Variants in GTPBP3 observed in about 807,000 individuals in gnomAD.
GTPBP3 encodes 5-taurinomethyluridine-[tRNA] synthase subunit GTPB3, mitochondrial.
In GTPBP3, 35 loss-of-function variants were observed where a neutral mutation model predicts 42.0. The ratio of observed to expected loss-of-function variants is 0.83; its 90% confidence interval spans 0.64 to 1.10. The LOEUF (loss-of-function observed/expected upper bound fraction) is 1.10. Ranked by LOEUF, GTPBP3 falls within the 50% of genes least tolerant of loss-of-function variation. The pLI, the probability that GTPBP3 is intolerant of heterozygous loss-of-function variation, is 0.00. For synonymous variants in GTPBP3, 332 were observed against 314.9 expected, an observed-to-expected ratio of 1.05 and a Z score of -0.58; for missense variants, 691 against 685.2, an observed-to-expected ratio of 1.01 and a Z score of -0.09.
Position 17,338,557 on chromosome 19 carries a change from G to A in GTPBP3, c.407G>A (p.Arg136Gln), listed in dbSNP as rs376384130. 23 of 1,613,718 alleles carry A rather than the reference G, an allele frequency of 1.4e-5. No individual in the cohort carries two copies. The highest frequency in any genetic ancestry group is 1.9e-5 in the Non-Finnish European group (23 of 1,179,852). Residue 136 changes from arginine (R) to glutamine (Q), a missense_variant, in exon 4 of 9, where the codon CGA becomes CAA. Transcript: ENST00000324894. ...LQALGSVPGL[R>Q]PAEAGEFTRR... ...CCTGCAGGCAGCGTGCCAGGGCTTC[G>A]ACCGGCGGAGGCAGGCGAGTTCACC...
chr19:17,337,724 TC>T, intron 1 of GTPBP3, 60 bp downstream of exon 1: 1 of 1,404,970 alleles, frequency 7.1e-7, no homozygotes, highest in Non-Finnish European at 9.3e-7. Context: ...CCAGACCCAC[TC>T]CCTGGGTTTT....
chr19:17,335,011 A>G, upstream of GTPBP3: 1 of 1,535,912 alleles, frequency 6.5e-7, no homozygotes, highest in Non-Finnish European at 8.7e-7. Context: ...CTGATGGTGC[A>G]TTCTCCAACT....
intron 7 of GTPBP3, 120 bp downstream of exon 7, chr19:17,339,719 G>T: frequency 2.2e-6 from 2 of 907,894 alleles, no homozygotes; most frequent in Non-Finnish European, 3.2e-6. Flanking sequence ...TATCAAGCAT[G>T]GATCTCAGGG....
chr19:17,341,335 C>T lies in GTPBP3; in HGVS notation c.1253+13C>T. 1.3e-6 allele frequency: 2 copies of T among 1,576,446 alleles called. No individual in the cohort carries two copies. Among genetic ancestry groups the T allele is most frequent in the Non-Finnish European group, 1.7e-6 (2 of 1,162,634 alleles). ...AGCTAGCTGCAGTGTGAGCCCCCTC[C>T]CACTCCCAGCCTCCCCTGACCCACA... is the stretch of plus-strand genomic sequence containing the variant. On this transcript the variant is annotated intron_variant, in intron 8 of 8. Transcript: ENST00000324894.
At position 17,341,227 on chromosome 19, in the gene GTPBP3, C is replaced by T. The variant is rs751938919; in HGVS notation, c.1158C>T (p.Pro386=). The T allele has an allele frequency of 4.4e-6, 7 of 1,607,994 alleles. No individual in the cohort carries two copies. Among genetic ancestry groups the T allele is most frequent in the Admixed American group, 1.7e-5 (1 of 59,980 alleles). Residue 386 remains proline, a synonymous_variant, in exon 8 of 9, where the codon CCC becomes CCT. Transcript: ENST00000324894. ...SDLLSPEGPG[P]GPDLPPHLLL... ...TGCTGTCCCCGGAGGGCCCAGGTCC[C>T]GGTCCTGACCTGCCCCCGCACCTGC...
Position 17,341,917 on chromosome 19 carries a change from C to T in GTPBP3, c.*214C>T. The T allele has an allele frequency of 1.6e-5, 7 of 448,142 alleles. No individual in the cohort carries two copies. Among genetic ancestry groups the T allele is most frequent in the Non-Finnish European group, 2.7e-5 (7 of 256,138 alleles). The allele number at this position is 448,142 out of a possible 1,614,324, so 27.8% of individuals were successfully genotyped here. A position where few individuals can be genotyped will look rare whatever the true frequency, so the allele number is the denominator to read the frequency against. On this transcript the variant is annotated 3_prime_UTR_variant, in exon 9 of 9. Coordinates refer to ENST00000324894, the MANE Select transcript of GTPBP3 (RefSeq NM_032620.4). ...GGGCTGAATGGAGGTCCCGTTCGAC[C>T]CTTGATGCTGGGGCATCCGGGTTGG...
upstream of GTPBP3, chr19:17,337,521 T>C (rs999981923): frequency 8.5e-6 from 11 of 1,289,206 alleles, no homozygotes; most frequent in Non-Finnish European, 1.1e-5. Context: ...TTGAGCACTT[T>C]ACTAGTCAAG....
At chr19:17,337,744 A>G (rs2145699151) in intron 1 of GTPBP3, 80 bp downstream of exon 1, 1 of 1,387,764 alleles carries the variant, frequency 7.2e-7, no homozygotes, top group East Asian at 2.7e-5. Flanking sequence ...TTAGGGGCCC[A>G]ATTCCCTGCG....
chr19:17,339,392 C>G (rs1161293199), intron 6 of GTPBP3, 42 bp from the exon 7 acceptor site: 1 of 1,605,634 alleles, frequency 6.2e-7, no homozygotes, highest in African/African-American at 1.3e-5. Flanking sequence ...GGGAGGAGCT[C>G]CCTTGTCTCC....
At chr19:17,335,813 CGCTTGTTACAGATGTAACAACTA>C (rs71180398), upstream of GTPBP3, among the ~76,000 whole-genome samples, 8 of 149,644 alleles carry the variant, frequency 5.3e-5, no homozygotes, top group East Asian at 5.8e-4. Flanking sequence ...GCTTGCTGTA[CGCTTGTTACAGATGTAACAACTA>C]GCTTGTTACA....
At position 17,341,750 on chromosome 19, in the gene GTPBP3, C is replaced by T; in HGVS notation, c.*47C>T. On this transcript the variant is annotated 3_prime_UTR_variant, in exon 9 of 9. Transcript: ENST00000324894. ...CCAAGCTGCGTGGAGACCCAGGAGC[C>T]TCGGGGGATCTGGAAACAGTTTAGG... is the stretch of plus-strand genomic sequence containing the variant. 6.8e-7 allele frequency: 1 copy of T among 1,475,550 alleles called. No homozygotes were observed. Among genetic ancestry groups the T allele is most frequent in the Non-Finnish European group, 9.1e-7 (1 of 1,094,760 alleles). 91.4% of individuals were successfully genotyped at this position (1,475,550 alleles called of 1,614,324 possible).
At position 17,338,610 on chromosome 19, in the gene GTPBP3, A is replaced by G; in HGVS notation, c.460A>G (p.Asn154Asp). ...ACGGGCGTTCGCCAATGGGAAGCTG[A>G]ACCTGACCGAAGTGGAGGGGCTGGC... is the stretch of plus-strand genomic sequence containing the variant. ...TRRAFANGKL[N>D]LTEVEGLADL... Residue 154 changes from asparagine to aspartate, a missense_variant, in exon 4 of 9, where the codon AAC (asparagine) becomes GAC (aspartate). By Grantham distance (23) the Asn-to-Asp change is conservative. Transcript: ENST00000324894. The G allele has an allele frequency of 6.2e-7, 1 of 1,614,080 alleles. No homozygotes were observed. Among genetic ancestry groups the G allele is most frequent in the South Asian group, 1.1e-5 (1 of 91,080 alleles).
Position 17,338,948 on chromosome 19 carries a change from C to T in GTPBP3, c.592-6C>T, listed in dbSNP as rs746411419. On this transcript the variant is annotated splice_region_variant and splice_polypyrimidine_tract_variant and intron_variant, in intron 4 of 8. Coordinates refer to ENST00000324894, the MANE Select transcript of GTPBP3 (RefSeq NM_032620.4). Reference sequence around the variant, plus strand: ...CACACCACCTCTGCTCTCCCTGCCCCGCCAGGCTCTGGCCCACGTGGAGGC... The same window carrying T: ...CACACCACCTCTGCTCTCCCTGCCCTGCCAGGCTCTGGCCCACGTGGAGGC... 3 of 1,589,086 alleles carry T rather than the reference C, an allele frequency of 1.9e-6. No homozygotes were observed. The highest frequency in any genetic ancestry group is 2.2e-5 in the East Asian group (1 of 44,656).
At position 17,338,086 on chromosome 19, in the gene GTPBP3, C is replaced by T; in HGVS notation, c.132C>T (p.Gly44=). The part of the protein sequence containing the change: ...ATIFALSSGQ[G]RCGIAVIRTS... ...TCTTCGCGCTAAGCTCTGGCCAAGG[C>T]CGCTGCGGCATCGCAGTGATCCGGA... Residue 44 remains glycine (G), a synonymous_variant, in exon 2 of 9, where the codon GGC becomes GGT. Coordinates refer to ENST00000324894, the MANE Select transcript of GTPBP3 (RefSeq NM_032620.4). 5 of 1,597,638 alleles carry T rather than the reference C, an allele frequency of 3.1e-6. No individual in the cohort carries two copies. Among genetic ancestry groups the T allele is most frequent in the Non-Finnish European group, 4.2e-6 (5 of 1,179,310 alleles).
At position 17,341,468 on chromosome 19, in the gene GTPBP3, T is replaced by C. The variant is rs1221394393; in HGVS notation, c.1254-10T>C. On this transcript the variant is annotated splice_polypyrimidine_tract_variant and intron_variant, in intron 8 of 8. Transcript: ENST00000324894. ...AGGTCGGGAGAGACCATGTCTCTTG[T>C]CTCTTCCAGGTGTGGGGACCCGTCC... 1 of 1,603,336 alleles carries C rather than the reference T, an allele frequency of 6.2e-7. No individual in the cohort carries two copies. Among genetic ancestry groups the C allele is most frequent in the Non-Finnish European group, 8.5e-7 (1 of 1,172,596 alleles).
intron 8 of GTPBP3, 73 bp from the exon 9 acceptor site, chr19:17,341,405 T>C (rs1245200186): frequency 6.4e-7 from 1 of 1,559,282 alleles, no homozygotes; most frequent in Admixed American, 1.9e-5. Flanking sequence ...ACCTACAAAA[T>C]GGGTACAACC....
At chr19:17,338,497 T>G in intron 3 of GTPBP3, 42 bp from the exon 4 acceptor site, 1 of 1,613,216 alleles carries the variant, frequency 6.2e-7, no homozygotes, top group East Asian at 2.2e-5. Flanking sequence ...CCAATGGGCC[T>G]GGGTGGGGAC....
chr19:17,337,944 C>G (rs775726737), intron 1 of GTPBP3, 64 bp from the exon 2 acceptor site: 179 of 1,562,042 alleles, frequency 1.1e-4, no homozygotes, highest in Non-Finnish European at 1.4e-4. Flanking sequence ...ATCGAGCCCT[C>G]GGTCTACTTG....
chr19:17,337,962 G>C, intron 1 of GTPBP3, 46 bp from the exon 2 acceptor site: 1 of 1,588,134 alleles, frequency 6.3e-7, no homozygotes. Context: ...TTGACACTGA[G>C]GCTGAGCCTC....
Sources: gnomAD v4.1 joint callset for allele counts (sites outside exome capture counted in the v4.1 genomes callset) on GRCh38, gnomAD v4.1.1 for gene constraint, MANE v1.5 for transcripts, NCBI Gene and HGNC (gene_info 2026-07-23, HGNC 2026-07-21) for gene names.